ZNF721: variants seen among roughly 807,000 people sequenced by gnomAD.
The protein encoded by ZNF721 is zinc finger protein 721.
In ZNF721, 2 loss-of-function variants were observed where a neutral mutation model predicts 2.4. The observed-to-expected ratio is 0.82, with a 90% CI of 0.34 to 2.58. The LOEUF (loss-of-function observed/expected upper bound fraction) is 2.58. Ranked by LOEUF, ZNF721 falls within the 30% of genes most tolerant of loss-of-function variation. The pLI, the probability that ZNF721 is intolerant of heterozygous loss-of-function variation, is 0.11. For missense variants in ZNF721, 1,187 were observed against 1,085.5 expected, an observed-to-expected ratio of 1.09 and a Z score of -1.31; for synonymous variants, 398 against 381.8, an observed-to-expected ratio of 1.04 and a Z score of -0.50.
chr4:481,335 A>G (rs1715765147), intron 1 of ZNF721, among the ~76,000 whole-genome samples: 1 of 152,178 alleles, frequency 6.6e-6, no homozygotes, highest in Non-Finnish European at 1.5e-5. Flanking sequence ...CCTTGACAAC[A>G]TTGACTCCCT....
chr4:443,471 G>C lies in ZNF721; in HGVS notation c.996C>G (p.Pro332=), dbSNP rs1714349280. Reference sequence around the variant, plus strand: ...TTTTGCCACATTCTCCACATGTGTAGGGTTTCTCTCCAGTATGAATTCTCC... The same window carrying C: ...TTTTGCCACATTCTCCACATGTGTACGGTTTCTCTCCAGTATGAATTCTCC... ...VHRRIHTGEK[P]YTCGECGKTF... Residue 332 remains proline, a synonymous_variant, in exon 3 of 3, where the codon CCC becomes CCG. Coordinates refer to ENST00000511833, the MANE Select transcript of ZNF721 (RefSeq NM_133474.4). 1.9e-6 allele frequency: 3 copies of C among 1,613,226 alleles called. No homozygotes were observed. The highest frequency in any genetic ancestry group is 2.2e-5 in the East Asian group (1 of 44,836).
At chr4:478,340 CTT>C (rs1560240590) in intron 1 of ZNF721, among the ~76,000 whole-genome samples, 1 of 152,030 alleles carries the variant, frequency 6.6e-6, no homozygotes, top group Non-Finnish European at 1.5e-5. Flanking sequence ...CTCGCTGTTA[CTT>C]TGTTTTTTTT....
At chr4:492,965 A>G (rs2108725125) in intron 1 of ZNF721, among the ~76,000 whole-genome samples, 1 of 152,016 alleles carries the variant, frequency 6.6e-6, no homozygotes, top group Admixed American at 6.5e-5. Context: ...GTTTTCCTCC[A>G]ATACATTTTT....
At chr4:458,395 G>A (rs953733375) in intron 2 of ZNF721, among the ~76,000 whole-genome samples, 1 of 152,252 alleles carries the variant, frequency 6.6e-6, no homozygotes, top group Admixed American at 6.5e-5. Flanking sequence ...TCCAACAGAA[G>A]ATATTTACCT....
chr4:467,981 A>C (rs1195798626), intron 2 of ZNF721, among the ~76,000 whole-genome samples: 1 of 151,328 alleles, frequency 6.6e-6, no homozygotes, highest in Non-Finnish European at 1.5e-5. Flanking sequence ...CTAAAAATAC[A>C]AAAAATTAGC....
chr4:471,733 C>T (rs1201272138), intron 2 of ZNF721, among the ~76,000 whole-genome samples: 1 of 151,844 alleles, frequency 6.6e-6, no homozygotes, highest in Non-Finnish European at 1.5e-5. Context: ...GGACACTAGG[C>T]CTTAAGTGTT....
intron 1 of ZNF721, chr4:473,870 T>G: frequency 7.4e-7 from 1 of 1,356,068 alleles, no homozygotes; most frequent in Non-Finnish European, 9.9e-7. Context: ...GACCGAGGGC[T>G]AAGCGGCGGC....
chr4:456,500 A>G (rs1465656282), intron 2 of ZNF721, among the ~76,000 whole-genome samples: 2 of 152,246 alleles, frequency 1.3e-5, no homozygotes, highest in South Asian at 2.1e-4. Flanking sequence ...GTAAAACCTA[A>G]TGATTTTTAT....
intron 2 of ZNF721, among the ~76,000 whole-genome samples, chr4:470,925 A>G: frequency 6.6e-6 from 1 of 151,784 alleles, no homozygotes; most frequent in Non-Finnish European, 1.5e-5. Context: ...GCTTGAACCC[A>G]GGAGGCGGAG....
At chr4:444,874 G>A (rs73070367) in intron 2 of ZNF721, among the ~76,000 whole-genome samples, 3,274 of 151,948 alleles carry the variant, frequency 0.022, 118 homozygotes, top group African/African-American at 0.074. Flanking sequence ...AAGAAATGGT[G>A]ATACTTTGGA....
Position 443,389 on chromosome 4 carries a change from G to T in ZNF721, c.1078C>A (p.Pro360Thr). Residue 360 changes from proline (P) to threonine (T), a missense_variant, in exon 3 of 3, where the codon CCT (proline) becomes ACT (threonine). Transcript: ENST00000511833. ...VHRRIHTGEK[P>T]YKCEDCGKAF... ...TTGCCACAGTCTTCGCATTTGTAAG[G>T]TTTCTCTCCAGTATGAATTCTCCTA... 1.2e-6 allele frequency: 2 copies of T among 1,614,032 alleles called. No homozygotes were observed. Among genetic ancestry groups the T allele is most frequent in the Non-Finnish European group, 1.7e-6 (2 of 1,179,974 alleles).
At chr4:470,086 G>A (rs970006242) in intron 2 of ZNF721, among the ~76,000 whole-genome samples, 6 of 152,076 alleles carry the variant, frequency 3.9e-5, no homozygotes, top group African/African-American at 9.7e-5. Flanking sequence ...GTTTCACCAC[G>A]TTAGCCAGGA....
chr4:477,450 G>T (rs1248784017), intron 1 of ZNF721, among the ~76,000 whole-genome samples: 1 of 151,992 alleles, frequency 6.6e-6, no homozygotes, highest in East Asian at 1.9e-4. Flanking sequence ...ATGTTAGCCA[G>T]GATGGTCTTG....
intron 1 of ZNF721, among the ~76,000 whole-genome samples, chr4:484,822 C>A (rs1246870657): frequency 6.6e-6 from 1 of 152,210 alleles, no homozygotes; most frequent in Non-Finnish European, 1.5e-5. Context: ...CCTCCACTTG[C>A]CTTGTGATAT....
intron 2 of ZNF721, among the ~76,000 whole-genome samples, chr4:463,399 T>C (rs781940517): frequency 6.6e-6 from 1 of 152,148 alleles, no homozygotes; most frequent in Non-Finnish European, 1.5e-5. Context: ...CATAATCCCA[T>C]TACTGGATAT....
intron 1 of ZNF721, among the ~76,000 whole-genome samples, chr4:477,668 G>GA (rs1423703173): frequency 6.6e-6 from 1 of 151,964 alleles, no homozygotes; most frequent in African/African-American, 2.4e-5. Flanking sequence ...AAAATGAGCA[G>GA]AAAAAAGAGC....
At chr4:447,223 GA>G in intron 2 of ZNF721, among the ~76,000 whole-genome samples, 1 of 152,150 alleles carries the variant, frequency 6.6e-6, no homozygotes, top group Non-Finnish European at 1.5e-5. Context: ...TGGGGAGGCT[GA>G]GGAAGGAGAA....
At chr4:467,312 T>C (rs1715285400) in intron 2 of ZNF721, among the ~76,000 whole-genome samples, 1 of 152,162 alleles carries the variant, frequency 6.6e-6, no homozygotes, top group Non-Finnish European at 1.5e-5. Context: ...TCTTGTCGGA[T>C]CATACAATAA....
chr4:441,085 T>A lies in ZNF721; in HGVS notation c.*610A>T, dbSNP rs952941350. ...CAAAGTTTAAGCAACTGCTTCAGAG[T>A]TTTCCTCTAGTACAAAATGCATATA... On this transcript the variant is annotated 3_prime_UTR_variant, in exon 3 of 3. Transcript: ENST00000511833. 2 of 152,240 alleles carry A rather than the reference T, an allele frequency of 1.3e-5. No individual in the cohort carries two copies. Among genetic ancestry groups the A allele is most frequent in the Admixed American group, 6.5e-5 (1 of 15,288 alleles). The allele number at this position is 152,240 out of a possible 1,614,324, so 9.4% of individuals were successfully genotyped here. A position where few individuals can be genotyped will look rare whatever the true frequency, so the allele number is the denominator to read the frequency against.
Sources: allele counts gnomAD v4.1 joint callset (sites outside exome capture counted in the v4.1 genomes callset), GRCh38; gene constraint gnomAD v4.1.1; transcripts MANE v1.5; gene names NCBI Gene and HGNC (gene_info 2026-07-23, HGNC 2026-07-21).